The following DMD variants were observed in gnomAD, a reference collection of about 807,000 sequenced individuals.
DMD encodes dystrophin.
A neutral mutation model predicts 330.1 loss-of-function variants in DMD; 63 were observed. That is an observed-to-expected ratio of 0.19 (90% CI 0.16 to 0.24). The LOEUF (loss-of-function observed/expected upper bound fraction) is 0.24, where lower values mean the gene tolerates loss of function less well. DMD is among the 10% of genes least tolerant of loss of function. DMD has a pLI of 1.00. For missense variants in DMD, 3,344 were observed against 2,684.1 expected (o/e 1.25, Z -5.43); for synonymous variants, 1,223 against 959.8 (o/e 1.27, Z -5.07).
chrX:32,113,420 C>T (rs886640409), intron 44 of DMD, among the ~76,000 whole-genome samples: 1 of 111,919 alleles, frequency 8.9e-6, no homozygotes, highest in African/African-American at 3.2e-5. Flanking sequence ...CACATGTATC[C>T]CACAAATATG....
At position 31,124,383 on chromosome X, in the gene DMD, C is replaced by T. The variant is rs750434065; in HGVS notation, c.11046+2259G>A. The stretch of plus-strand genomic sequence containing the variant: ...TGCCCTAAAGAATCATACTTTAATC[C>T]GTTGGAGGGGTAAGACTGCACTGTG... On this transcript the variant is annotated intron_variant, in intron 78 of 78. Coordinates refer to ENST00000357033, the MANE Select transcript of DMD (RefSeq NM_004006.3). Among the ~76,000 whole-genome samples, 9 of 111,514 alleles carry T rather than the reference C, an allele frequency of 8.1e-5. No homozygotes were observed. The South Asian group carries it at 1.1e-3, about 14-fold the overall frequency.
intron 7 of DMD, among the ~76,000 whole-genome samples, chrX:32,731,243 T>A (rs959627675): frequency 8.9e-6 from 1 of 112,282 alleles, no homozygotes; most frequent in African/African-American, 3.2e-5. Flanking sequence ...ATATCCTGCA[T>A]CTGGCTCGGA....
intron 55 of DMD, among the ~76,000 whole-genome samples, chrX:31,602,498 T>C (rs980039500): frequency 9.0e-6 from 1 of 111,157 alleles, no homozygotes; most frequent in Admixed American, 9.6e-5. Context: ...TGGCGGTTCC[T>C]TTAAAATTTA....
chrX:33,058,798 T>G (rs991369305), intron 1 of DMD, among the ~76,000 whole-genome samples: 1 of 111,941 alleles, frequency 8.9e-6, no homozygotes, highest in African/African-American at 3.2e-5. Flanking sequence ...GATGCATATA[T>G]AGGGGTATTC....
chrX:33,277,345 G>A (rs1456371373), intron 1 of DMD, among the ~76,000 whole-genome samples: 1 of 111,714 alleles, frequency 9.0e-6, no homozygotes, highest in Non-Finnish European at 1.9e-5. Flanking sequence ...CCAAAATAGA[G>A]ATGATGGTTG....
At chrX:31,166,533 G>A (rs1002357647) in intron 74 of DMD, among the ~76,000 whole-genome samples, 4 of 111,625 alleles carry the variant, frequency 3.6e-5, no homozygotes, top group African/African-American at 1.3e-4. Context: ...GTCAGATTGC[G>A]TAGCCCAATG....
chrX:32,650,618 A>C (rs781146400), intron 9 of DMD, among the ~76,000 whole-genome samples: 1 of 112,231 alleles, frequency 8.9e-6, no homozygotes, highest in East Asian at 2.8e-4. Flanking sequence ...AAGCATAAAA[A>C]TGATTACTGA....
At chrX:31,298,164 C>G (rs12836536) in intron 62 of DMD, among the ~76,000 whole-genome samples, 59 of 111,484 alleles carry the variant, frequency 5.3e-4, no homozygotes, top group Non-Finnish European at 9.6e-4. Flanking sequence ...TACACACATA[C>G]CTGTCTATAT....
At chrX:32,530,858 G>A (rs1200795248) in intron 17 of DMD, among the ~76,000 whole-genome samples, 1 of 112,016 alleles carries the variant, frequency 8.9e-6, no homozygotes, top group African/African-American at 3.2e-5. Context: ...TCCTGTCAGA[G>A]TAATAAATCT....
chrX:31,556,744 C>T (rs959409785), intron 55 of DMD, among the ~76,000 whole-genome samples: 1 of 111,242 alleles, frequency 9.0e-6, no homozygotes, highest in South Asian at 3.7e-4. Flanking sequence ...TAAAACAATG[C>T]AAAAATAAAT....
At chrX:32,611,251 C>CA (rs918555706) in intron 12 of DMD, among the ~76,000 whole-genome samples, 49 of 109,248 alleles carry the variant, frequency 4.5e-4, no homozygotes, top group African/African-American at 1.2e-3. Flanking sequence ...TCAAATCTGT[C>CA]AAAAAAAAGA....
intron 7 of DMD, among the ~76,000 whole-genome samples, chrX:32,755,335 G>A (rs1023838815): frequency 5.4e-5 from 6 of 110,286 alleles, no homozygotes; most frequent in African/African-American, 2.0e-4. Context: ...CACAAAAAAC[G>A]GAACATGACT....
chrX:32,901,150 C>A (rs1338860353), intron 2 of DMD, among the ~76,000 whole-genome samples: 1 of 110,923 alleles, frequency 9.0e-6, no homozygotes, highest in East Asian at 2.8e-4. Flanking sequence ...ATAATTAAGT[C>A]AGAGTTAAAT....
In DMD at chrX:32,287,699, A is replaced by G. The variant is rs1409711434; in HGVS notation, c.6120T>C (p.Asn2040=). 8.5e-7 allele frequency: 1 copy of G among 1,172,182 alleles called. No homozygotes were observed. Among genetic ancestry groups the G allele is most frequent in the Admixed American group, 2.3e-5 (1 of 43,820 alleles). Residue 2040 remains asparagine (N), a splice_region_variant and synonymous_variant, in exon 43 of 79, where the codon AAT becomes AAC. Transcript: ENST00000357033. ...AGCTTTGTTGTAGACTATCTTTTATATTCTGTAATATAAAAATTTTAAAAC... is the reference window on the plus strand; with the variant it reads ...AGCTTTGTTGTAGACTATCTTTTATGTTCTGTAATATAAAAATTTTAAAAC... The part of the protein sequence containing the change: ...DLFKQEESLK[N]IKDSLQQSSG...
intron 45 of DMD, among the ~76,000 whole-genome samples, chrX:31,944,501 C>T (rs1603617189): frequency 1.0e-5 from 1 of 96,009 alleles, no homozygotes; most frequent in Non-Finnish European, 2.0e-5. Context: ...TTTTTTGAGA[C>T]GGAGTCTCAC....
chrX:32,660,811 G>T (rs1003484473), intron 9 of DMD, among the ~76,000 whole-genome samples: 2 of 111,365 alleles, frequency 1.8e-5, no homozygotes, highest in Admixed American at 1.9e-4. Context: ...CAACTACTTT[G>T]CCATGAGATG....
At chrX:32,299,085 A>C (rs191855633) in intron 42 of DMD, among the ~76,000 whole-genome samples, 1 of 110,574 alleles carries the variant, frequency 9.0e-6, no homozygotes, top group East Asian at 2.9e-4. Flanking sequence ...ATTTTGCACT[A>C]ACACAGGAAA....
rs2098228052 is a variant in DMD, at chrX:32,429,394, T to TTTC, written c.4071+8846_4071+8847insGAA. 2.6e-5 allele frequency among the ~76,000 whole-genome samples: 2 copies of TTTC among 77,572 alleles called. 1 individual carries two copies. The highest frequency in any genetic ancestry group is 9.9e-5 in the African/African-American group (2 of 20,178). 67.4% of individuals were successfully genotyped at this position (77,572 alleles called of 115,157 possible). ...CTGGATACTTTTTTTTGGGTTTTTTTTTTTTTTTTTTTTTTTTGTATTTGT... is the reference window on the plus strand; with the variant it reads ...CTGGATACTTTTTTTTGGGTTTTTTTTTCTTTTTTTTTTTTTTTTTGTATTTGT... On this transcript the variant is annotated intron_variant, in intron 29 of 78. Coordinates refer to ENST00000357033, the MANE Select transcript of DMD (RefSeq NM_004006.3).
At chrX:31,387,968 T>C (rs1313522815) in intron 60 of DMD, among the ~76,000 whole-genome samples, 1 of 110,590 alleles carries the variant, frequency 9.0e-6, no homozygotes, top group South Asian at 3.9e-4. Flanking sequence ...ATGATAATTG[T>C]GTACTTGTTT....
Sources: gnomAD v4.1 joint callset for allele counts (sites outside exome capture counted in the v4.1 genomes callset) on GRCh38, gnomAD v4.1.1 for gene constraint, MANE v1.5 for transcripts, NCBI Gene and HGNC (gene_info 2026-07-23, HGNC 2026-07-21) for gene names.